FARS2: variants seen among roughly 807,000 people sequenced by gnomAD.
FARS2 encodes phenylalanyl-tRNA synthetase 2, mitochondrial.
FARS2 carries 40 observed loss-of-function variants against 46.4 expected under a neutral mutation model. That is an observed-to-expected ratio of 0.86 (90% CI 0.67 to 1.12). FARS2 has a LOEUF of 1.12. Ranked by LOEUF, FARS2 falls within the 50% of genes most tolerant of loss-of-function variation. The probability of loss-of-function intolerance (pLI) is 0.00; values close to 1 mark genes in which losing one functional copy is unlikely to be tolerated. For synonymous variants in FARS2, 234 were observed against 214.9 expected (o/e 1.09, Z -0.78); for missense variants, 513 against 567.9 (o/e 0.90, Z 0.98).
chr6:5,504,701 G>T (rs1156799604), intron 4 of FARS2, among the ~76,000 whole-genome samples: 6 of 152,074 alleles, frequency 3.9e-5, no homozygotes, highest in Admixed American at 3.9e-4. Flanking sequence ...TTACAAAACT[G>T]CTCAAGGTAT....
intron 1 of FARS2, among the ~76,000 whole-genome samples, chr6:5,293,732 C>T (rs920932093): frequency 5.3e-5 from 8 of 152,126 alleles, no homozygotes; most frequent in Admixed American, 2.6e-4. Flanking sequence ...TAAATTATAT[C>T]CCTGTCATTG....
chr6:5,416,010 T>A (rs923545515), intron 3 of FARS2, among the ~76,000 whole-genome samples: 7 of 152,230 alleles, frequency 4.6e-5, no homozygotes, highest in Admixed American at 2.0e-4. Context: ...CCTGGCCCTA[T>A]TATCTTTTTA....
intron 6 of FARS2, among the ~76,000 whole-genome samples, chr6:5,642,461 A>C (rs1484678085): frequency 2.0e-5 from 3 of 152,240 alleles, no homozygotes; most frequent in African/African-American, 7.2e-5. Context: ...GTTACTAAAA[A>C]AAAATTGTAA....
At chr6:5,575,299 A>G (rs1287882630) in intron 5 of FARS2, among the ~76,000 whole-genome samples, 1 of 152,192 alleles carries the variant, frequency 6.6e-6, no homozygotes, top group African/African-American at 2.4e-5. Context: ...CTGTTTCTCA[A>G]AATTTTCACT....
chr6:5,322,221 C>G (rs1444679101), intron 1 of FARS2, among the ~76,000 whole-genome samples: 1 of 152,190 alleles, frequency 6.6e-6, no homozygotes, highest in East Asian at 1.9e-4. Context: ...AATAAACTGT[C>G]ATTTTGTTTT....
At chr6:5,411,746 C>T (rs1761951500) in intron 3 of FARS2, among the ~76,000 whole-genome samples, 1 of 152,114 alleles carries the variant, frequency 6.6e-6, no homozygotes, top group South Asian at 2.1e-4. Flanking sequence ...GTACCAGCAT[C>T]CTAAGGCTAT....
intron 5 of FARS2, among the ~76,000 whole-genome samples, chr6:5,547,381 G>T (rs4960098): frequency 0.41 from 59,671 of 146,020 alleles, 13,617 homozygotes; most frequent in African/African-American, 0.65. Flanking sequence ...TTGTCTTTTT[G>T]TTTTTTTTTT....
At chr6:5,758,433 T>C (rs931426856) in intron 6 of FARS2, among the ~76,000 whole-genome samples, 5 of 152,186 alleles carry the variant, frequency 3.3e-5, no homozygotes, top group African/African-American at 1.2e-4. Flanking sequence ...CTGAAAAACT[T>C]ATCCGCTCTC....
chr6:5,286,023 T>G lies in FARS2; in HGVS notation c.-22+24363T>G, dbSNP rs117022939. 4.6e-4 allele frequency among the ~76,000 whole-genome samples: 69 copies of G among 149,052 alleles called. No individual in the cohort carries two copies. The East Asian group carries it at 0.013, about 28-fold the overall frequency. ...TTGCATCATAACATTTCACATGTGA[T>G]AGCTGTTCCCTTCTTATGTCTCTTT... On this transcript the variant is annotated intron_variant, in intron 1 of 6. Transcript: ENST00000274680.
intron 1 of FARS2, among the ~76,000 whole-genome samples, chr6:5,341,218 TATATATATATATATA>T (rs1216042641): frequency 0.017 from 129 of 7,430 alleles, 14 homozygotes; most frequent in South Asian, 0.045. Context: ...TATATATATA[TATATATATATATATA>T]TATTTTTTTT....
At chr6:5,547,746 G>A (rs954505298) in intron 5 of FARS2, among the ~76,000 whole-genome samples, 11 of 152,314 alleles carry the variant, frequency 7.2e-5, no homozygotes, top group South Asian at 2.1e-4. Context: ...CTTGGCTGAC[G>A]CAAGTGTGGC....
intron 6 of FARS2, among the ~76,000 whole-genome samples, chr6:5,675,389 TC>T (rs1031669864): frequency 2.0e-5 from 3 of 152,184 alleles, no homozygotes; most frequent in African/African-American, 7.2e-5. Flanking sequence ...AAAATAGACT[TC>T]TTTTCAATGG....
chr6:5,458,636 C>T (rs1398763750), intron 4 of FARS2, among the ~76,000 whole-genome samples: 1 of 152,158 alleles, frequency 6.6e-6, no homozygotes, highest in African/African-American at 2.4e-5. Context: ...GAGACTGGCA[C>T]TTCCAAGCAG....
chr6:5,480,318 G>C (rs946702012), intron 4 of FARS2, among the ~76,000 whole-genome samples: 1 of 152,214 alleles, frequency 6.6e-6, no homozygotes, highest in East Asian at 1.9e-4. Flanking sequence ...AAGAAGTGGA[G>C]GATGTAATTT....
chr6:5,623,384 T>A (rs1775870386), intron 6 of FARS2, among the ~76,000 whole-genome samples: 1 of 152,196 alleles, frequency 6.6e-6, no homozygotes, highest in African/African-American at 2.4e-5. Flanking sequence ...TGATGCATGT[T>A]ATTCCTGCAA....
intron 6 of FARS2, among the ~76,000 whole-genome samples, chr6:5,660,232 G>A (rs571193527): frequency 3.2e-4 from 48 of 152,188 alleles, no homozygotes; most frequent in Non-Finnish European, 6.5e-4. Context: ...AGGCAGACGT[G>A]GCTGATGTTC....
rs59053657 is a variant in FARS2, at chr6:5,271,560, G to GTTT, written c.-22+9918_-22+9920dup. On this transcript the variant is annotated intron_variant, in intron 1 of 6. Coordinates refer to ENST00000274680, the MANE Select transcript of FARS2 (RefSeq NM_006567.5). Reference sequence around the variant, plus strand: ...GTGTATAAGAACAGAGACTATGTCTGTTTTTTTTTTTTTTTTTTTTGAGGC... The same window carrying GTTT: ...GTGTATAAGAACAGAGACTATGTCTGTTTTTTTTTTTTTTTTTTTTTTTGAGGC... 4.3e-3 allele frequency among the ~76,000 whole-genome samples: 462 copies of GTTT among 108,652 alleles called. 18 individuals are homozygous for GTTT. Among genetic ancestry groups the GTTT allele is most frequent in the African/African-American group, 8.5e-3 (232 of 27,318 alleles). 71.3% of individuals were successfully genotyped at this position (108,652 alleles called of 152,430 possible).
intron 5 of FARS2, among the ~76,000 whole-genome samples, chr6:5,563,272 A>G (rs1772118490): frequency 6.6e-6 from 1 of 152,156 alleles, no homozygotes; most frequent in Non-Finnish European, 1.5e-5. Flanking sequence ...TCAATATGCA[A>G]ATGCAGGGCA....
chr6:5,633,757 G>A (rs960016771), intron 6 of FARS2, among the ~76,000 whole-genome samples: 1 of 152,086 alleles, frequency 6.6e-6, no homozygotes, highest in Non-Finnish European at 1.5e-5. Flanking sequence ...GTTATGACTG[G>A]TGAAACAAAA....
Sources: gnomAD v4.1 joint callset for allele counts (sites outside exome capture counted in the v4.1 genomes callset) on GRCh38, gnomAD v4.1.1 for gene constraint, MANE v1.5 for transcripts, NCBI Gene and HGNC (gene_info 2026-07-23, HGNC 2026-07-21) for gene names.